The following COL9A1 variants were observed in gnomAD, a reference collection of about 807,000 sequenced individuals.
COL9A1 encodes the protein collagen alpha-1(IX) chain.
Under a neutral mutation model 142.6 loss-of-function variants are expected in COL9A1, and 104 were observed. That is an observed-to-expected ratio of 0.73 (90% CI 0.62 to 0.86). The LOEUF is 0.86. Among genes scored for constraint, COL9A1 ranks in the 40% least tolerant of loss-of-function variants. COL9A1 has a pLI of 0.00. For synonymous variants in COL9A1, 466 were observed against 396.0 expected (o/e 1.18, Z -2.10); for missense variants, 1,210 against 1,176.6 (o/e 1.03, Z -0.42).
rs1330315481 is a variant in COL9A1 at position 70,300,164 on chromosome 6, T to G, written c.178A>C (p.Ile60Leu). The G allele has an allele frequency of 6.2e-7, 1 of 1,613,796 alleles. No homozygotes were observed. The highest frequency in any genetic ancestry group is 8.5e-7 in the Non-Finnish European group (1 of 1,179,938). Reference sequence around the variant, plus strand: ...GCTTTATCTACCTGGAACTGAGAGATCAGATCAAACCCTATAGAATGGGAA... The same window carrying G: ...GCTTTATCTACCTGGAACTGAGAGAGCAGATCAAACCCTATAGAATGGGAA... ...GQDDLPGFDL[I>L]SQFQVDKAAS... Residue 60 changes from isoleucine (I) to leucine (L), a missense_variant, in exon 4 of 38, where the codon ATC becomes CTC. Ile to Leu is a conservative substitution (Grantham distance 5). Coordinates refer to ENST00000357250, the MANE Select transcript of COL9A1 (RefSeq NM_001851.6).
intron 33 of COL9A1, 56 bp from the exon 34 acceptor site, chr6:70,234,996 T>C: frequency 1.2e-6 from 2 of 1,608,812 alleles, no homozygotes; most frequent in Non-Finnish European, 8.5e-7. Flanking sequence ...ATGTGCCTGC[T>C]TCATACTCAT....
intron 5 of COL9A1, among the ~76,000 whole-genome samples, chr6:70,288,741 A>G (rs1321449917): frequency 6.6e-6 from 1 of 151,802 alleles, no homozygotes; most frequent in Non-Finnish European, 1.5e-5. Context: ...AATTCTCTCA[A>G]CTTCTTCAGG....
At chr6:70,248,286 C>T (rs1280247766) in intron 28 of COL9A1, among the ~76,000 whole-genome samples, 1 of 152,160 alleles carries the variant, frequency 6.6e-6, no homozygotes, top group Admixed American at 6.5e-5. Context: ...AAGGCAGGCG[C>T]CCATATGAAA....
At chr6:70,297,090 C>A (rs1262920431) in intron 4 of COL9A1, among the ~76,000 whole-genome samples, 1 of 152,050 alleles carries the variant, frequency 6.6e-6, no homozygotes. Context: ...GGAGTTCTCC[C>A]AATTTGTGTT....
At position 70,248,783 on chromosome 6, in the gene COL9A1, G is replaced by A. The variant is rs1022766185; in HGVS notation, c.1872+3337C>T. Among the ~76,000 whole-genome samples, 4 of 152,156 alleles carry A rather than the reference G, an allele frequency of 2.6e-5. No individual in the cohort carries two copies. In the East Asian group the frequency reaches 7.7e-4, roughly 29 times the overall value. On this transcript the variant is annotated intron_variant, in intron 28 of 37. Coordinates refer to ENST00000357250, the MANE Select transcript of COL9A1 (RefSeq NM_001851.6). The stretch of plus-strand genomic sequence containing the variant: ...TACCTTATGGCAAGCCCTGAGGAAA[G>A]CGAGGTGGGAAACACAGCGGTGAAA...
intron 37 of COL9A1, among the ~76,000 whole-genome samples, chr6:70,221,185 G>A (rs747818184): frequency 2.0e-5 from 3 of 151,808 alleles, no homozygotes; most frequent in African/African-American, 7.3e-5. Flanking sequence ...AGCCCATCTC[G>A]GCTGGATCAT....
intron 21 of COL9A1, 131 bp from the exon 22 acceptor site, chr6:70,255,521 G>A: frequency 1.3e-6 from 1 of 783,672 alleles, no homozygotes; most frequent in Non-Finnish European, 2.2e-6. Context: ...TATCAAGGAA[G>A]CCTAGATGAA....
chr6:70,253,577 T>C, intron 25 of COL9A1, 148 bp from the exon 26 acceptor site: 1 of 663,472 alleles, frequency 1.5e-6, no homozygotes, highest in Non-Finnish European at 2.7e-6. Context: ...GTTCCCAAAT[T>C]CTGCACAGTC....
chr6:70,225,814 G>A, intron 37 of COL9A1, 118 bp downstream of exon 37: 1 of 801,548 alleles, frequency 1.2e-6, no homozygotes, highest in Non-Finnish European at 2.2e-6. Flanking sequence ...TAGCCATTCT[G>A]AATAATTAAT....
chr6:70,281,447 C>T lies in COL9A1; in HGVS notation c.819G>A (p.Glu273=), dbSNP rs1773161424. Residue 273 remains glutamate (E), a synonymous_variant, in exon 8 of 38, where the codon GAG becomes GAA. Transcript: ENST00000357250. ...GGCCCGGAGGCCCGGGAGGACCCTG[C>T]TCACCCGGGGGACCTCTCTGGCAAA... is the stretch of plus-strand genomic sequence containing the variant. ...QTTDERGPPG[E]QGPPGPPGPP... 1 of 1,612,634 alleles carries T rather than the reference C, an allele frequency of 6.2e-7. No homozygotes were observed. Among genetic ancestry groups the T allele is most frequent in the Admixed American group, 1.7e-5 (1 of 59,766 alleles).
chr6:70,242,057 C>T (rs2127565952), intron 29 of COL9A1, 22 bp from the exon 30 acceptor site: 1 of 1,575,084 alleles, frequency 6.3e-7, no homozygotes. Context: ...AAACAAAGTC[C>T]CCGGAGTTAC....
chr6:70,257,432 TA>T (rs1771390335), intron 20 of COL9A1, among the ~76,000 whole-genome samples: 1 of 152,184 alleles, frequency 6.6e-6, no homozygotes, highest in Non-Finnish European at 1.5e-5. Flanking sequence ...AGGTGCTTAT[TA>T]ATAGATTGGT....
intron 37 of COL9A1, among the ~76,000 whole-genome samples, chr6:70,224,610 G>A (rs561111371): frequency 6.8e-4 from 104 of 152,294 alleles, no homozygotes; most frequent in African/African-American, 2.4e-3. Context: ...ATGATGGTAT[G>A]TTGTCAGCCT....
chr6:70,232,396 G>C (rs139039413), intron 36 of COL9A1, among the ~76,000 whole-genome samples, 187 bp downstream of exon 36: 9 of 152,346 alleles, frequency 5.9e-5, no homozygotes, highest in Non-Finnish European at 1.2e-4. Context: ...TGTTGTGGTA[G>C]AGCAGGGTCA....
Position 70,216,397 on chromosome 6 carries a change from C to T in COL9A1, c.*500G>A, listed in dbSNP as rs1768505376. ...TCTTATCACTCCAGAGACAGCACATCGATGAGATTTTAAGCACCAATTCCA... is the reference window on the plus strand; with the variant it reads ...TCTTATCACTCCAGAGACAGCACATTGATGAGATTTTAAGCACCAATTCCA... On this transcript the variant is annotated 3_prime_UTR_variant, in exon 38 of 38. Transcript: ENST00000357250. 5.8e-6 allele frequency: 1 copy of T among 171,424 alleles called. No individual in the cohort carries two copies. Among genetic ancestry groups the T allele is most frequent in the South Asian group, 1.4e-4 (1 of 7,222 alleles). 10.6% of individuals were successfully genotyped at this position (171,424 alleles called of 1,614,324 possible). A position where few individuals can be genotyped will look rare whatever the true frequency, so the allele number is the denominator to read the frequency against.
At position 70,232,574 on chromosome 6, in the gene COL9A1, A is replaced by C; in HGVS notation, c.2503+9T>G. On this transcript the variant is annotated intron_variant, in intron 36 of 37. Coordinates refer to ENST00000357250, the MANE Select transcript of COL9A1 (RefSeq NM_001851.6). ...TGTTCTTTGGTTCCACATGGGCAAGATGACTTACCTTTAGGTCCCCTCAAA... is the reference window on the plus strand; with the variant it reads ...TGTTCTTTGGTTCCACATGGGCAAGCTGACTTACCTTTAGGTCCCCTCAAA... 1.2e-6 allele frequency: 2 copies of C among 1,613,532 alleles called. No individual in the cohort carries two copies. The highest frequency in any genetic ancestry group is 1.3e-5 in the African/African-American group (1 of 75,034).
chr6:70,248,801 C>A (rs796609631), intron 28 of COL9A1, among the ~76,000 whole-genome samples: 2 of 152,116 alleles, frequency 1.3e-5, no homozygotes, highest in African/African-American at 2.4e-5. Context: ...GGAAACACAG[C>A]GGTGAAAACG....
intron 25 of COL9A1, among the ~76,000 whole-genome samples, chr6:70,254,213 T>G (rs890103996): frequency 1.3e-5 from 2 of 151,890 alleles, no homozygotes; most frequent in Non-Finnish European, 2.9e-5. Context: ...TTAAAAAATA[T>G]GTAAAAAAAG....
At chr6:70,301,566 G>A (rs1267896503) in intron 2 of COL9A1, among the ~76,000 whole-genome samples, 1 of 152,132 alleles carries the variant, frequency 6.6e-6, no homozygotes, top group African/African-American at 2.4e-5. Flanking sequence ...GACAGAGTGA[G>A]ACTTCATCTC....
Sources: gnomAD v4.1 joint callset for allele counts (sites outside exome capture counted in the v4.1 genomes callset) on GRCh38, gnomAD v4.1.1 for gene constraint, MANE v1.5 for transcripts, NCBI Gene and HGNC (gene_info 2026-07-23, HGNC 2026-07-21) for gene names.